Variants in CADM2 observed in about 807,000 individuals in gnomAD.
CADM2 encodes cell adhesion molecule 2.
A neutral mutation model predicts 49.8 loss-of-function variants in CADM2; 12 were observed. The ratio of observed to expected loss-of-function variants is 0.24; its 90% confidence interval spans 0.15 to 0.39. The LOEUF is 0.39. Among genes scored for constraint, CADM2 ranks in the 10% least tolerant of loss-of-function variants. The probability of loss-of-function intolerance (pLI) is 1.00; values close to 1 mark genes in which losing one functional copy is unlikely to be tolerated. For synonymous variants in CADM2, 214 were observed against 175.4 expected, an observed-to-expected ratio of 1.22 and a Z score of -1.74; for missense variants, 378 against 492.3, an observed-to-expected ratio of 0.77 and a Z score of 2.20.
At chr3:85,539,767 T>C (rs1363768918) in intron 1 of CADM2, among the ~76,000 whole-genome samples, 1 of 152,070 alleles carries the variant, frequency 6.6e-6, no homozygotes, top group African/African-American at 2.4e-5. Context: ...AGCAACTTGG[T>C]AAATGCAAGT....
intron 1 of CADM2, among the ~76,000 whole-genome samples, chr3:85,326,119 G>A (rs902981856): frequency 6.6e-6 from 1 of 151,956 alleles, no homozygotes; most frequent in African/African-American, 2.4e-5. Context: ...TAAATAACCT[G>A]TGATTTAAAG....
intron 1 of CADM2, among the ~76,000 whole-genome samples, chr3:85,101,562 T>C (rs2038013829): frequency 6.6e-6 from 1 of 152,188 alleles, no homozygotes; most frequent in Non-Finnish European, 1.5e-5. Context: ...ATTATCCTAC[T>C]AAAATCATCA....
chr3:85,445,856 T>G (rs2037424633), intron 1 of CADM2, among the ~76,000 whole-genome samples: 1 of 152,170 alleles, frequency 6.6e-6, no homozygotes, highest in Non-Finnish European at 1.5e-5. Flanking sequence ...AATAAATCTT[T>G]TTTTGAAACA....
At position 85,852,049 on chromosome 3, in the gene CADM2, G is replaced by A. The variant is rs114371926; in HGVS notation, c.239-31242G>A. On this transcript the variant is annotated intron_variant, in intron 3 of 9. Coordinates refer to ENST00000383699, the MANE Select transcript of CADM2 (RefSeq NM_001167675.2). ...GGATCTGGAGGTCTGAGGCTTATCC[G>A]TATTACTGCAAATGCCTTTAAAATA... Among the ~76,000 whole-genome samples the A allele has an allele frequency of 4.3e-3, 653 of 152,086 alleles. 5 individuals carry two copies. The highest frequency in any genetic ancestry group is 0.015 in the African/African-American group (603 of 41,526).
intron 1 of CADM2, among the ~76,000 whole-genome samples, chr3:85,601,539 G>A (rs989025974): frequency 6.0e-5 from 9 of 151,102 alleles, no homozygotes; most frequent in Admixed American, 6.6e-5. Flanking sequence ...TCCCATTTTA[G>A]ATATACTCAA....
intron 1 of CADM2, among the ~76,000 whole-genome samples, chr3:85,232,639 C>T (rs2042320421): frequency 6.6e-6 from 1 of 151,954 alleles, no homozygotes; most frequent in South Asian, 2.1e-4. Context: ...ACCAAAAAAG[C>T]TTTACTGATG....
intron 1 of CADM2, among the ~76,000 whole-genome samples, chr3:85,106,676 T>C (rs1306001482): frequency 6.6e-6 from 1 of 152,122 alleles, no homozygotes; most frequent in Non-Finnish European, 1.5e-5. Context: ...ATTTGGATAT[T>C]AATTAAAACA....
At chr3:85,153,488 A>C (rs2107651034) in intron 1 of CADM2, among the ~76,000 whole-genome samples, 1 of 152,326 alleles carries the variant, frequency 6.6e-6, no homozygotes, top group South Asian at 2.1e-4. Flanking sequence ...TCAAACCGCA[A>C]CAAAGCGGCA....
chr3:85,291,264 G>C (rs1463661674), intron 1 of CADM2, among the ~76,000 whole-genome samples: 1 of 151,902 alleles, frequency 6.6e-6, no homozygotes, highest in Non-Finnish European at 1.5e-5. Context: ...AATGAGCAAA[G>C]CCTCCAAGAA....
intron 1 of CADM2, among the ~76,000 whole-genome samples, chr3:85,290,277 C>G (rs773415583): frequency 8.5e-5 from 13 of 152,130 alleles, no homozygotes; most frequent in Non-Finnish European, 1.9e-4. Context: ...GCACCTGGCT[C>G]GGAGGGTCCT....
chr3:85,138,406 A>G (rs2039482067), intron 1 of CADM2, among the ~76,000 whole-genome samples: 1 of 152,146 alleles, frequency 6.6e-6, no homozygotes, highest in Non-Finnish European at 1.5e-5. Context: ...TGTTTATGAT[A>G]TTAGTAGATT....
intron 1 of CADM2, among the ~76,000 whole-genome samples, chr3:85,564,910 A>T (rs1243279496): frequency 6.6e-6 from 1 of 152,104 alleles, no homozygotes; most frequent in Non-Finnish European, 1.5e-5. Flanking sequence ...GAGTACAGAG[A>T]TGGAAGATTA....
intron 3 of CADM2, among the ~76,000 whole-genome samples, chr3:85,880,909 TTCTC>T (rs1712662050): frequency 3.3e-5 from 5 of 152,254 alleles, no homozygotes; most frequent in African/African-American, 1.2e-4. Flanking sequence ...TCTTGATTGA[TTCTC>T]TATCTTCCTG....
chr3:85,930,081 C>A (rs144959542), intron 6 of CADM2, among the ~76,000 whole-genome samples: 132 of 152,080 alleles, frequency 8.7e-4, no homozygotes, highest in African/African-American at 3.1e-3. Context: ...TAATTTATAT[C>A]ATGGAAATAT....
At chr3:85,353,070 C>T in intron 1 of CADM2, among the ~76,000 whole-genome samples, 1 of 152,100 alleles carries the variant, frequency 6.6e-6, no homozygotes, top group East Asian at 1.9e-4. Flanking sequence ...AGAGTGAGAG[C>T]TAATCTATTT....
intron 1 of CADM2, among the ~76,000 whole-genome samples, chr3:85,026,914 A>C (rs2034751700): frequency 6.6e-6 from 1 of 152,104 alleles, no homozygotes; most frequent in East Asian, 1.9e-4. Flanking sequence ...AATGTATGTT[A>C]AACAACTATT....
At chr3:85,290,891 C>G (rs553482837) in intron 1 of CADM2, among the ~76,000 whole-genome samples, 1 of 152,326 alleles carries the variant, frequency 6.6e-6, no homozygotes, top group East Asian at 1.9e-4. Context: ...CTCTCCTTCT[C>G]AAAAGGAACG....
At chr3:85,289,723 G>A (rs956092654) in intron 1 of CADM2, among the ~76,000 whole-genome samples, 6 of 152,064 alleles carry the variant, frequency 3.9e-5, no homozygotes. Context: ...TAAAAAAATT[G>A]CCCTTTCAGA....
chr3:86,036,021 A>T (rs7634457), intron 8 of CADM2, among the ~76,000 whole-genome samples: 26,587 of 151,984 alleles, frequency 0.17, 2,360 homozygotes, highest in South Asian at 0.24. Context: ...ATCATGGATG[A>T]TCGACCTTCA....
Sources: allele counts gnomAD v4.1 joint callset (sites outside exome capture counted in the v4.1 genomes callset), GRCh38; gene constraint gnomAD v4.1.1; transcripts MANE v1.5; gene names NCBI Gene and HGNC (gene_info 2026-07-23, HGNC 2026-07-21).